Variants in CLIC2 observed in about 807,000 individuals in gnomAD.
CLIC2 encodes the protein chloride intracellular channel protein 2.
In CLIC2, 9 loss-of-function variants were observed where a neutral mutation model predicts 14.8. The ratio of observed to expected loss-of-function variants is 0.61; its 90% CI spans 0.37 to 1.06. CLIC2 has a LOEUF of 1.06. Ranked by LOEUF, CLIC2 falls within the 50% of genes least tolerant of loss-of-function variation. The pLI is 0.01. For missense variants in CLIC2, 148 were observed against 181.4 expected (o/e 0.82, Z 1.06); for synonymous variants, 61 against 66.3 (o/e 0.92, Z 0.39).
At chrX:155,311,718 G>T (rs1365790371) in intron 1 of CLIC2, among the ~76,000 whole-genome samples, 2 of 111,725 alleles carry the variant, frequency 1.8e-5, no homozygotes, top group South Asian at 3.8e-4. Context: ...CCGACACTGG[G>T]CAATTTACAA....
chrX:155,289,321 TA>T (rs2074954480), intron 3 of CLIC2, among the ~76,000 whole-genome samples: 1 of 111,857 alleles, frequency 8.9e-6, no homozygotes, highest in Non-Finnish European at 1.9e-5. Flanking sequence ...TGAAGTATTC[TA>T]GCTTCCTCTA....
chrX:155,290,908 A>T, intron 3 of CLIC2: 1 of 690,095 alleles, frequency 1.4e-6, no homozygotes, highest in Non-Finnish European at 2.4e-6. Context: ...CATTGATTTT[A>T]ATGTCATAAT....
chrX:155,310,814 C>T (rs1158204062), intron 1 of CLIC2, among the ~76,000 whole-genome samples: 2 of 112,680 alleles, frequency 1.8e-5, no homozygotes, highest in Non-Finnish European at 3.7e-5. Flanking sequence ...GGCACAGGTT[C>T]CCAAACCTCA....
At chrX:155,290,360 C>G in intron 3 of CLIC2, 1 of 423,463 alleles carries the variant, frequency 2.4e-6, no homozygotes. Context: ...TGACTTGAAT[C>G]AGTAGTAGCT....
intron 1 of CLIC2, among the ~76,000 whole-genome samples, chrX:155,316,619 T>C (rs2075095987): frequency 9.0e-6 from 1 of 110,717 alleles, no homozygotes; most frequent in Non-Finnish European, 1.9e-5. Context: ...GTGGCTGTAT[T>C]TGTCAGGGTT....
At chrX:155,304,757 T>C (rs782000160) in intron 1 of CLIC2, among the ~76,000 whole-genome samples, 11 of 83,894 alleles carry the variant, frequency 1.3e-4, no homozygotes, top group South Asian at 1.4e-3. Context: ...GATGGGTTTT[T>C]GGTGTGGATG....
intron 3 of CLIC2, 57 bp from the exon 4 acceptor site, chrX:155,280,125 G>T: frequency 1.3e-6 from 1 of 790,771 alleles, no homozygotes. Context: ...GAGACCAGGT[G>T]CCCTAGCTTG....
intron 1 of CLIC2, among the ~76,000 whole-genome samples, chrX:155,312,174 C>A (rs1319157133): frequency 2.7e-5 from 3 of 111,958 alleles, no homozygotes; most frequent in Admixed American, 9.4e-5. Context: ...TTTAATTAGA[C>A]CCCATTTGTC....
intron 1 of CLIC2, among the ~76,000 whole-genome samples, chrX:155,314,080 C>T (rs1378277686): frequency 9.0e-6 from 1 of 111,173 alleles, no homozygotes; most frequent in Non-Finnish European, 1.9e-5. Context: ...ACCCTGCCCC[C>T]ACTTGGTGGT....
intron 1 of CLIC2, among the ~76,000 whole-genome samples, chrX:155,301,562 C>G (rs1176530518): frequency 5.4e-5 from 5 of 92,857 alleles, no homozygotes; most frequent in Admixed American, 3.7e-4. Context: ...TAATTGAATA[C>G]CCTTTATTTA....
intron 1 of CLIC2, among the ~76,000 whole-genome samples, chrX:155,313,630 T>C (rs1406353117): frequency 8.9e-6 from 1 of 112,342 alleles, no homozygotes; most frequent in Non-Finnish European, 1.9e-5. Flanking sequence ...GCTCACATCA[T>C]GATCTTTTGC....
chrX:155,290,792 C>T, intron 3 of CLIC2: 1 of 620,870 alleles, frequency 1.6e-6, no homozygotes, highest in Non-Finnish European at 2.8e-6. Flanking sequence ...CATAGTTCAG[C>T]TGTTATTTAT....
intron 3 of CLIC2, chrX:155,292,375 C>T: frequency 1.8e-6 from 1 of 560,813 alleles, no homozygotes; most frequent in South Asian, 2.3e-5. Flanking sequence ...GCCAAACATG[C>T]TGAGTATTCT....
At chrX:155,289,144 CAA>C (rs367709540) in intron 3 of CLIC2, among the ~76,000 whole-genome samples, 7 of 82,855 alleles carry the variant, frequency 8.4e-5, no homozygotes, top group African/African-American at 2.7e-4. Flanking sequence ...AACTCCGTCT[CAA>C]AAAAAAAAAA....
intron 3 of CLIC2, among the ~76,000 whole-genome samples, chrX:155,289,922 G>A (rs782287628): frequency 8.9e-6 from 1 of 112,319 alleles, no homozygotes; most frequent in Non-Finnish European, 1.9e-5. Flanking sequence ...GGCCTTTTCC[G>A]AGGCACACTA....
At chrX:155,278,985 A>G in intron 5 of CLIC2, 164 bp downstream of exon 5, 1 of 499,139 alleles carries the variant, frequency 2.0e-6, no homozygotes, top group Non-Finnish European at 3.5e-6. Flanking sequence ...AGAGAACATT[A>G]TGGATCTTCC....
intron 1 of CLIC2, among the ~76,000 whole-genome samples, chrX:155,307,192 C>A (rs1018960216): frequency 4.5e-5 from 5 of 111,430 alleles, no homozygotes; most frequent in Non-Finnish European, 9.4e-5. Context: ...AAAGGAAGTG[C>A]ATTTTATGAG....
chrX:155,276,490 C>T lies in CLIC2; in HGVS notation c.*1413G>A, dbSNP rs782205814. 14 of 111,793 alleles carry T rather than the reference C, an allele frequency of 1.3e-4. No homozygotes were observed. Among genetic ancestry groups the T allele is most frequent in the Non-Finnish European group, 2.4e-4 (13 of 53,079 alleles). 9.2% of individuals were successfully genotyped at this position (111,793 alleles called of 1,213,427 possible). On this transcript the variant is annotated 3_prime_UTR_variant, in exon 6 of 6. Coordinates refer to ENST00000369449, the MANE Select transcript of CLIC2 (RefSeq NM_001289.6). The stretch of plus-strand genomic sequence containing the variant: ...TATTCTTCCTAGGTGTAACTTTATA[C>T]CCATTGACCAACATCTTTCAGTGCC...
At chrX:155,320,762 G>A (rs2075111418) in intron 1 of CLIC2, among the ~76,000 whole-genome samples, 1 of 110,851 alleles carries the variant, frequency 9.0e-6, no homozygotes, top group African/African-American at 3.3e-5. Context: ...TAACAAACTC[G>A]TCCAAGATAA....
Sources: allele counts gnomAD v4.1 joint callset (sites outside exome capture counted in the v4.1 genomes callset), GRCh38; gene constraint gnomAD v4.1.1; transcripts MANE v1.5; gene names NCBI Gene and HGNC (gene_info 2026-07-23, HGNC 2026-07-21).